PHLDB1: variants seen among roughly 807,000 people sequenced by gnomAD.
PHLDB1 encodes the protein pleckstrin homology-like domain family B member 1.
PHLDB1 carries 65 observed loss-of-function variants against 139.3 expected under a neutral mutation model. That is an observed-to-expected ratio of 0.47 (90% CI 0.38 to 0.57). The LOEUF (loss-of-function observed/expected upper bound fraction) is 0.57. Among genes scored for constraint, PHLDB1 ranks in the 20% least tolerant of loss-of-function variants. The probability of loss-of-function intolerance (pLI) is 0.00; values close to 1 mark genes in which losing one functional copy is unlikely to be tolerated. For missense variants in PHLDB1, 1,624 were observed against 1,839.7 expected (o/e 0.88, Z 2.14); for synonymous variants, 679 against 734.5 (o/e 0.92, Z 1.22).
upstream of PHLDB1, among the ~76,000 whole-genome samples, chr11:118,607,311 T>G (rs1213016150): frequency 1.2e-3 from 18 of 14,876 alleles, no homozygotes; most frequent in South Asian, 2.4e-3. Context: ...GAGGGCAGGG[T>G]GGGAGGAGAG....
At position 118,650,355 on chromosome 11, in the gene PHLDB1, TC is replaced by T; in HGVS notation, c.3772-85del. ...TGGCCTGAGGAGATGTTGGGGACAA[TC>T]CCCCATGAATACAGGCACAGGCGAT... On this transcript the variant is annotated intron_variant, in intron 19 of 22. Transcript: ENST00000600882. This position sits in a 1 kb window ranked among gnomAD's most constrained non-coding sequence, Gnocchi z 4.7. 1 of 1,031,192 alleles carries T rather than the reference TC, an allele frequency of 9.7e-7. No homozygotes were observed. The highest frequency in any genetic ancestry group is 1.5e-6 in the Non-Finnish European group (1 of 649,686). 63.9% of individuals were successfully genotyped at this position (1,031,192 alleles called of 1,614,324 possible).
At chr11:118,643,992 A>T (rs1555124235) in intron 14 of PHLDB1, 52 bp downstream of exon 14, 2 of 1,596,602 alleles carry the variant, frequency 1.3e-6, no homozygotes, top group Admixed American at 1.7e-5. Context: ...GGAGACTTCC[A>T]CCCTGGGGAG....
At chr11:118,643,757 A>G (rs782320459) in intron 13 of PHLDB1, 43 bp from the exon 14 acceptor site, 29 of 1,613,682 alleles carry the variant, frequency 1.8e-5, no homozygotes, top group Admixed American at 1.0e-4. Context: ...GAGGTGGCCA[A>G]TGGGGGAGCC....
At chr11:118,644,618 T>C in intron 15 of PHLDB1, 1 of 1,279,946 alleles carries the variant, frequency 7.8e-7, no homozygotes, top group South Asian at 1.3e-5. Context: ...GTCTCTACCG[T>C]ACCCTCTGCC....
At position 118,645,436 on chromosome 11, in the gene PHLDB1, G is replaced by C; in HGVS notation, c.3202G>C (p.Asp1068His). The C allele has an allele frequency of 6.3e-7, 1 of 1,579,656 alleles. No homozygotes were observed. Among genetic ancestry groups the C allele is most frequent in the Non-Finnish European group, 8.6e-7 (1 of 1,164,796 alleles). The change falls in exon 16 of 23, where the codon GAT becomes CAT. Residue 1068 changes from aspartate (D) to histidine (H), a missense_variant. Physicochemically the swap from Asp to His is moderately conservative, Grantham distance 81 (BLOSUM62 -1). Coordinates refer to ENST00000600882, the MANE Select transcript of PHLDB1 (RefSeq NM_001144758.3). This position sits in a 1 kb window ranked among gnomAD's most constrained non-coding sequence, Gnocchi z 5.1. The stretch of plus-strand genomic sequence containing the variant: ...GGCAGCTGAGGCACAGTGCCAGTGG[G>C]ATGCCCTTCACGGGGCAGCACCCTT... ...KAAAEAQCQW[D>H]ALHGAAPFPA...
intron 14 of PHLDB1, 21 bp from the exon 15 acceptor site, chr11:118,644,051 G>C (rs567834219): frequency 6.2e-7 from 1 of 1,611,738 alleles, no homozygotes; most frequent in South Asian, 1.1e-5. Flanking sequence ...GCCCAGGTCC[G>C]AACTCTCCAT....
At position 118,611,401 on chromosome 11, in the gene PHLDB1, C is replaced by A. The variant is rs74713800; in HGVS notation, c.-21-2415C>A. ...TCACTCTTGTTCTCCATCGGCCTTA[C>A]TCCTTTACAATCTTTATCTCCACTT... On this transcript the variant is annotated intron_variant, in intron 1 of 22. Transcript: ENST00000600882. The surrounding 1 kb of genome is among the most constrained non-coding windows in gnomAD (Gnocchi z 4.7). Among the ~76,000 whole-genome samples, 568 of 152,306 alleles carry A rather than the reference C, an allele frequency of 3.7e-3. 3 individuals carry two copies. The highest frequency in any genetic ancestry group is 0.013 in the African/African-American group (526 of 41,562).
At chr11:118,647,858 G>A (rs1186156249) in intron 17 of PHLDB1, 72 bp from the exon 18 acceptor site, 5 of 1,493,758 alleles carry the variant, frequency 3.3e-6, no homozygotes, top group Non-Finnish European at 4.5e-6. Flanking sequence ...CTGCAGCCCT[G>A]CCCAGGTGTG....
chr11:118,627,748 G>C lies in PHLDB1; in HGVS notation c.925G>C (p.Glu309Gln). The change falls in exon 6 of 23, where the codon GAG becomes CAG. Residue 309 changes from glutamate to glutamine, a missense_variant. Physicochemically the swap from Glu to Gln is conservative, Grantham distance 29. Transcript: ENST00000600882. ...PQSRPSGARS[E>Q]SPRLSRKGGH... is the part of the protein sequence containing the mutation. ...GTCCCGCCCAAGTGGTGCTCGCTCC[G>C]AGAGTCCTCGGCTGAGCAGGAAAGG... 3 of 1,608,318 alleles carry C rather than the reference G, an allele frequency of 1.9e-6. No individual in the cohort carries two copies. The highest frequency in any genetic ancestry group is 1.3e-5 in the African/African-American group (1 of 75,068).
chr11:118,625,798 T>C lies in PHLDB1; in HGVS notation c.481+739T>C, dbSNP rs540686017. Among the ~76,000 whole-genome samples the C allele has an allele frequency of 1.4e-4, 21 of 152,278 alleles. No individual in the cohort carries two copies. The South Asian group carries it at 3.7e-3, about 27-fold the overall frequency. ...GAAAGGTGAGTGATCACTGGGATTA[T>C]CAGTATCCATGGCATCCCCTCTGAC... On this transcript the variant is annotated intron_variant, in intron 5 of 22. Transcript: ENST00000600882.
At chr11:118,623,871 CATTT>C (rs1555097655) in intron 4 of PHLDB1, among the ~76,000 whole-genome samples, 1 of 135,872 alleles carries the variant, frequency 7.4e-6, no homozygotes, top group African/African-American at 2.9e-5. Flanking sequence ...GTTCTCTGAA[CATTT>C]GTGTGTGTGT....
intron 20 of PHLDB1, chr11:118,652,469 A>G (rs1555138205): frequency 1.3e-5 from 2 of 152,268 alleles, no homozygotes; most frequent in African/African-American, 4.8e-5. Flanking sequence ...TAGTAATAGC[A>G]GATCACCTTT....
chr11:118,634,853 C>G (rs1007146888), intron 9 of PHLDB1: 179 of 297,096 alleles, frequency 6.0e-4, no homozygotes, highest in Non-Finnish European at 1.4e-5. Context: ...GCTGCCGGGC[C>G]GGAGTTGAGG....
At chr11:118,640,026 C>G in intron 12 of PHLDB1, 3 of 983,882 alleles carry the variant, frequency 3.0e-6, no homozygotes, top group Non-Finnish European at 3.6e-6. Context: ...TAACTGCGTG[C>G]TCTGCTTTGC....
At position 118,620,921 on chromosome 11, in the gene PHLDB1, C is replaced by T. The variant is rs895169105; in HGVS notation, c.356-4013C>T. Reference sequence around the variant, plus strand: ...ATCCTGTAGAGCCCCTGCTCTTTTCCTCTCCCTCTCTCTCTCAGATATGGA... The same window carrying T: ...ATCCTGTAGAGCCCCTGCTCTTTTCTTCTCCCTCTCTCTCTCAGATATGGA... On this transcript the variant is annotated intron_variant, in intron 4 of 22. Coordinates refer to ENST00000600882, the MANE Select transcript of PHLDB1 (RefSeq NM_001144758.3). The surrounding 1 kb of genome is among the most constrained non-coding windows in gnomAD (Gnocchi z 4.1). Among the ~76,000 whole-genome samples the T allele has an allele frequency of 6.6e-6, 1 of 152,124 alleles. No individual in the cohort carries two copies. Among genetic ancestry groups the T allele is most frequent in the East Asian group, 1.9e-4 (1 of 5,192 alleles).
Position 118,650,535 on chromosome 11 carries a change from T to A in PHLDB1, c.3862T>A (p.Ser1288Thr). The A allele has an allele frequency of 1.9e-6, 3 of 1,612,382 alleles. No individual in the cohort carries two copies. The highest frequency in any genetic ancestry group is 2.5e-6 in the Non-Finnish European group (3 of 1,178,450). ...CTTCGACCGGCTCAAGCGCACCCTT[T>A]CCTATTATGTGGGTGAGTTCCCACA... ...FVFDRLKRTL[S>T]YYVDKHETKL... Residue 1288 changes from serine (S) to threonine (T), a missense_variant, in exon 20 of 23, where the codon TCC (serine) becomes ACC (threonine). Ser to Thr is a moderately conservative substitution (Grantham distance 58). Transcript: ENST00000600882. This position sits in a 1 kb window ranked among gnomAD's most constrained non-coding sequence, Gnocchi z 4.7.
chr11:118,625,143 G>A, intron 5 of PHLDB1, 84 bp downstream of exon 5: 2 of 1,468,952 alleles, frequency 1.4e-6, no homozygotes, highest in Non-Finnish European at 1.8e-6. Context: ...CACACTTGGA[G>A]TGTTAGGGCA....
chr11:118,610,509 C>CG lies in PHLDB1; in HGVS notation c.-22+2811dup. On this transcript the variant is annotated intron_variant, in intron 1 of 22. Coordinates refer to ENST00000600882, the MANE Select transcript of PHLDB1 (RefSeq NM_001144758.3). This position sits in a 1 kb window ranked among gnomAD's most constrained non-coding sequence, Gnocchi z 8.7. ...GCACCGCTTGGGCCGAGGCCGAGGC[C>CG]GACCCCCAGGGACACAGGTGAGGCC... 1 of 979,660 alleles carries CG rather than the reference C, an allele frequency of 1.0e-6. No individual in the cohort carries two copies. The highest frequency in any genetic ancestry group is 1.2e-6 in the Non-Finnish European group (1 of 824,648). 60.7% of individuals were successfully genotyped at this position (979,660 alleles called of 1,614,324 possible). A position where few individuals can be genotyped will look rare whatever the true frequency, so the allele number is the denominator to read the frequency against.
chr11:118,642,867 A>G (rs1946804840), intron 13 of PHLDB1, among the ~76,000 whole-genome samples: 1 of 152,228 alleles, frequency 6.6e-6, no homozygotes, highest in African/African-American at 2.4e-5. Context: ...AACAAAGGGC[A>G]AAGACTCTGA....
Sources: gnomAD v4.1 joint callset for allele counts (sites outside exome capture counted in the v4.1 genomes callset) on GRCh38, gnomAD v4.1.1 for gene constraint, Gnocchi (gnomAD v3.1) non-coding constraint, MANE v1.5 for transcripts, NCBI Gene and HGNC (gene_info 2026-07-23, HGNC 2026-07-21) for gene names.